RNF144B: variants seen among roughly 807,000 people sequenced by gnomAD.
The protein encoded by RNF144B is E3 ubiquitin-protein ligase RNF144B.
A neutral mutation model predicts 40.2 loss-of-function variants in RNF144B; 25 were observed. The ratio of observed to expected loss-of-function variants is 0.62; its 90% CI spans 0.45 to 0.87. RNF144B has a LOEUF of 0.87. Among genes scored for constraint, RNF144B ranks in the 40% least tolerant of loss-of-function variants. The pLI is 0.00. For missense variants in RNF144B, 365 were observed against 373.7 expected, an observed-to-expected ratio of 0.98 and a Z score of 0.19; for synonymous variants, 145 against 136.3, an observed-to-expected ratio of 1.06 and a Z score of -0.44.
intron 1 of RNF144B, among the ~76,000 whole-genome samples, chr6:18,388,296 C>T (rs1463386949): frequency 6.6e-6 from 1 of 152,134 alleles, no homozygotes; most frequent in Non-Finnish European, 1.5e-5. Flanking sequence ...AACATTAGCT[C>T]TGAGGTTCTT....
chr6:18,458,943 G>A lies in RNF144B; in HGVS notation c.537-664G>A, dbSNP rs1435147672. On this transcript the variant is annotated intron_variant, in intron 5 of 7. Transcript: ENST00000259939. The surrounding 1 kb of genome is among the most constrained non-coding windows in gnomAD (Gnocchi z 4.8). The stretch of plus-strand genomic sequence containing the variant: ...ATTGTGGACTAGGGATGCTCAACCT[G>A]TAATAACTGTCTTATGACAATATGA... 6.6e-6 allele frequency among the ~76,000 whole-genome samples: 1 copy of A among 152,178 alleles called. No homozygotes were observed. Among genetic ancestry groups the A allele is most frequent in the Non-Finnish European group, 1.5e-5 (1 of 68,036 alleles).
Position 18,414,024 on chromosome 6 carries a change from A to G in RNF144B, c.166-13557A>G, listed in dbSNP as rs1795098269. Among the ~76,000 whole-genome samples, 2 of 152,136 alleles carry G rather than the reference A, an allele frequency of 1.3e-5. No homozygotes were observed. Among genetic ancestry groups the G allele is most frequent in the African/African-American group, 2.4e-5 (1 of 41,424 alleles). ...ACTTCTAAAAACTTGCTTTTTAGAA[A>G]ATGTTAAAAAAAATTCCAGGTTTTG... On this transcript the variant is annotated intron_variant, in intron 2 of 7. Coordinates refer to ENST00000259939, the MANE Select transcript of RNF144B (RefSeq NM_182757.4). The surrounding 1 kb of genome is among the most constrained non-coding windows in gnomAD (Gnocchi z 4.9).
intron 1 of RNF144B, among the ~76,000 whole-genome samples, chr6:18,388,704 C>G (rs1202440604): frequency 1.3e-5 from 2 of 152,082 alleles, no homozygotes; most frequent in Non-Finnish European, 2.9e-5. Context: ...GGAGAAAAAC[C>G]TATAGCAGAT....
chr6:18,437,843 T>C (rs12210141), intron 3 of RNF144B, among the ~76,000 whole-genome samples: 18,929 of 152,162 alleles, frequency 0.12, 1,325 homozygotes, highest in Admixed American at 0.19. Flanking sequence ...TCCGTTTGCC[T>C]TGTCTTCCAT....
At position 18,410,407 on chromosome 6, in the gene RNF144B, G is replaced by A. The variant is rs190148096; in HGVS notation, c.165+10708G>A. Among the ~76,000 whole-genome samples the A allele has an allele frequency of 5.7e-4, 87 of 152,254 alleles. No homozygotes were observed. Among genetic ancestry groups the A allele is most frequent in the Non-Finnish European group, 9.7e-4 (66 of 68,012 alleles). ...AGTACAATATGTTATAAAGCATACA[G>A]AAACCCACCTAAAATAGACTCAGGG... On this transcript the variant is annotated intron_variant, in intron 2 of 7. Transcript: ENST00000259939. This position sits in a 1 kb window ranked among gnomAD's most constrained non-coding sequence, Gnocchi z 4.6.
intron 1 of RNF144B, chr6:18,396,965 C>T (rs1291804265): frequency 1.9e-5 from 5 of 267,846 alleles, no homozygotes; most frequent in Non-Finnish European, 2.9e-5. Context: ...TGGAATAACG[C>T]TGTGTCTTGA....
intron 1 of RNF144B, among the ~76,000 whole-genome samples, chr6:18,392,035 T>TAAAAAAA (rs10643409): frequency 1.4e-5 from 1 of 71,064 alleles, no homozygotes; most frequent in Non-Finnish European, 2.6e-5. Flanking sequence ...CCATCTCTAC[T>TAAAAAAA]AAAAAAAAAA....
At chr6:18,449,917 T>C (rs1371600739) in intron 4 of RNF144B, among the ~76,000 whole-genome samples, 1 of 152,164 alleles carries the variant, frequency 6.6e-6, no homozygotes, top group Non-Finnish European at 1.5e-5. Context: ...TACTTTGAGC[T>C]CAGAGGTGCC....
intron 1 of RNF144B, among the ~76,000 whole-genome samples, chr6:18,392,478 C>CA (rs34393566): frequency 1.3e-5 from 2 of 151,552 alleles, no homozygotes; most frequent in South Asian, 2.1e-4. Flanking sequence ...TTTTAACCCA[C>CA]AAAAAGGTTA....
At position 18,414,840 on chromosome 6, in the gene RNF144B, GA is replaced by G. The variant is rs1360820492; in HGVS notation, c.166-12735del. ...AAGAACAAAAACTTTTAAAAAGATG[GA>G]AAAAATTGTACAACAGTTTGTTATG... On this transcript the variant is annotated intron_variant, in intron 2 of 7. Coordinates refer to ENST00000259939, the MANE Select transcript of RNF144B (RefSeq NM_182757.4). This position sits in a 1 kb window ranked among gnomAD's most constrained non-coding sequence, Gnocchi z 4.9. Among the ~76,000 whole-genome samples, 1 of 152,066 alleles carries G rather than the reference GA, an allele frequency of 6.6e-6. No individual in the cohort carries two copies. Among genetic ancestry groups the G allele is most frequent in the Non-Finnish European group, 1.5e-5 (1 of 67,996 alleles).
intron 1 of RNF144B, chr6:18,396,819 A>G (rs868426485): frequency 8.1e-6 from 8 of 985,266 alleles, no homozygotes; most frequent in Non-Finnish European, 9.6e-6. Flanking sequence ...GGAGGAAGGA[A>G]AAGGTAAAGT....
intron 1 of RNF144B, among the ~76,000 whole-genome samples, chr6:18,394,321 T>C (rs1794646722): frequency 6.6e-6 from 1 of 152,166 alleles, no homozygotes; most frequent in Admixed American, 6.5e-5. Context: ...TTTGAATAGC[T>C]GGGTGTGGTG....
In RNF144B at chr6:18,416,352, G is replaced by A. The variant is rs141229576; in HGVS notation, c.166-11229G>A. On this transcript the variant is annotated intron_variant, in intron 2 of 7. Coordinates refer to ENST00000259939, the MANE Select transcript of RNF144B (RefSeq NM_182757.4). This position sits in a 1 kb window ranked among gnomAD's most constrained non-coding sequence, Gnocchi z 5.5. ...CTAGTGCCAGTTCACTGCTCTGATT[G>A]GAATGTTCTTCCATTTTAGCAAATT... 1.3e-5 allele frequency among the ~76,000 whole-genome samples: 2 copies of A among 152,322 alleles called. No individual in the cohort carries two copies. The highest frequency in any genetic ancestry group is 3.9e-4 in the East Asian group (2 of 5,184).
In RNF144B at chr6:18,457,106, T is replaced by G. The variant is rs2113534664; in HGVS notation, c.332-49T>G. 7.3e-7 allele frequency: 1 copy of G among 1,377,084 alleles called. No individual in the cohort carries two copies. The highest frequency in any genetic ancestry group is 2.3e-5 in the East Asian group (1 of 43,774). 85.3% of individuals were successfully genotyped at this position (1,377,084 alleles called of 1,614,324 possible). ...GAGGGCAAATGAAGGTGAGAAAGACTCAAACATGAATCGGGCAGACCATCA... is the reference window on the plus strand; with the variant it reads ...GAGGGCAAATGAAGGTGAGAAAGACGCAAACATGAATCGGGCAGACCATCA... On this transcript the variant is annotated intron_variant, in intron 4 of 7. Coordinates refer to ENST00000259939, the MANE Select transcript of RNF144B (RefSeq NM_182757.4). This position sits in a 1 kb window ranked among gnomAD's most constrained non-coding sequence, Gnocchi z 5.1.
At chr6:18,426,311 C>T (rs1486676251) in intron 2 of RNF144B, among the ~76,000 whole-genome samples, 2 of 152,146 alleles carry the variant, frequency 1.3e-5, no homozygotes, top group Non-Finnish European at 2.9e-5. Flanking sequence ...GGAATGTACT[C>T]CTCAACATTT....
At chr6:18,420,873 T>C (rs1795244824) in intron 2 of RNF144B, among the ~76,000 whole-genome samples, 1 of 152,174 alleles carries the variant, frequency 6.6e-6, no homozygotes, top group South Asian at 2.1e-4. Flanking sequence ...AACATGATAC[T>C]AAGTAGTATA....
intron 3 of RNF144B, among the ~76,000 whole-genome samples, chr6:18,435,693 TA>T (rs1184634934): frequency 6.6e-6 from 1 of 151,972 alleles, no homozygotes; most frequent in African/African-American, 2.4e-5. Context: ...TATGCAGCCA[TA>T]AAAAATGATG....
intron 4 of RNF144B, among the ~76,000 whole-genome samples, chr6:18,453,816 G>T (rs930113908): frequency 4.6e-5 from 7 of 152,154 alleles, no homozygotes; most frequent in East Asian, 3.9e-4. Flanking sequence ...CCACACAGGA[G>T]GAACAGTCCT....
In RNF144B at chr6:18,418,577, G is replaced by A. The variant is rs80344432; in HGVS notation, c.166-9004G>A. The stretch of plus-strand genomic sequence containing the variant: ...CTAGGGCTGTGCATGGAGGATCTGG[G>A]GGAGAAATGGGGAGCATGTACTAAT... On this transcript the variant is annotated intron_variant, in intron 2 of 7. Coordinates refer to ENST00000259939, the MANE Select transcript of RNF144B (RefSeq NM_182757.4). This position sits in a 1 kb window ranked among gnomAD's most constrained non-coding sequence, Gnocchi z 5.2. Among the ~76,000 whole-genome samples the A allele has an allele frequency of 0.032, 4,799 of 152,132 alleles. 146 individuals carry two copies. The highest frequency in any genetic ancestry group is 0.075 in the African/African-American group (3,101 of 41,494).
Sources: allele counts gnomAD v4.1 joint callset (sites outside exome capture counted in the v4.1 genomes callset), GRCh38; gene constraint gnomAD v4.1.1; non-coding constraint Gnocchi (gnomAD v3.1); transcripts MANE v1.5; gene names NCBI Gene and HGNC (gene_info 2026-07-23, HGNC 2026-07-21).